BFSP1: variants seen among roughly 807,000 people sequenced by gnomAD.
BFSP1 encodes the protein filensin.
A neutral mutation model predicts 43.9 loss-of-function variants in BFSP1; 38 were observed. The observed-to-expected ratio is 0.87, with a 90% CI of 0.67 to 1.14. The LOEUF (loss-of-function observed/expected upper bound fraction) is 1.14. Among genes scored for constraint, BFSP1 ranks in the 50% most tolerant of loss-of-function variants. The pLI, the probability that BFSP1 is intolerant of heterozygous loss-of-function variation, is 0.00. For missense variants in BFSP1, 850 were observed against 875.1 expected (o/e 0.97, Z 0.36); for synonymous variants, 352 against 354.8 (o/e 0.99, Z 0.09).
chr20:17,496,120 A>C (rs6034836), intron 7 of BFSP1, among the ~76,000 whole-genome samples: 71,180 of 152,082 alleles, frequency 0.47, 16,961 homozygotes, highest in South Asian at 0.58. Context: ...TTAGCAGAGC[A>C]TTCAGCCAAG....
intron 1 of BFSP1, among the ~76,000 whole-genome samples, chr20:17,565,128 C>G (rs532558490): frequency 6.3e-4 from 96 of 152,210 alleles, no homozygotes; most frequent in Non-Finnish European, 1.1e-3. Context: ...CCACTCCCAC[C>G]CTATTTAACA....
chr20:17,500,200 T>C lies in BFSP1; in HGVS notation c.736-1160A>G, dbSNP rs548805593. Among the ~76,000 whole-genome samples, 10 of 152,316 alleles carry C rather than the reference T, an allele frequency of 6.6e-5. No individual in the cohort carries two copies. The East Asian group carries it at 1.9e-3, about 29-fold the overall frequency. ...GTATGTGTGTGCCCTTGTGTACACA[T>C]AAAATAATGTCAGAGAAATACAGTA... On this transcript the variant is annotated intron_variant, in intron 5 of 7. Transcript: ENST00000377873.
rs1161987607 is a variant in BFSP1, at chr20:17,553,842, TATATATAC to T, written c.2+4838_2+4845del. ...ACACACACATATATATATATACACATATATATACATATATATACACATATATATACATA... is the reference window on the plus strand; with the variant it reads ...ACACACACATATATATATATACACATATATATATACACATATATATACATA... On this transcript the variant is annotated intron_variant, in intron 1 of 7. Coordinates refer to the BFSP1 transcript ENST00000377868. Among the ~76,000 whole-genome samples, 10 of 106,604 alleles carry T rather than the reference TATATATAC, an allele frequency of 9.4e-5. 1 individual carries two copies. The highest frequency in any genetic ancestry group is 2.9e-4 in the African/African-American group (6 of 20,588). 69.9% of individuals were successfully genotyped at this position (106,604 alleles called of 152,430 possible).
intron 7 of BFSP1, among the ~76,000 whole-genome samples, chr20:17,496,552 G>T (rs978592690): frequency 3.3e-5 from 5 of 152,210 alleles, no homozygotes; most frequent in Non-Finnish European, 7.3e-5. Context: ...GGTGGGATGT[G>T]ATCCAGTGTT....
At chr20:17,539,749 G>A (rs2034686633) in intron 1 of BFSP1, among the ~76,000 whole-genome samples, 1 of 151,844 alleles carries the variant, frequency 6.6e-6, no homozygotes, top group South Asian at 2.1e-4. Flanking sequence ...ATGGGCCACA[G>A]AGCAAAACTC....
In BFSP1 at chr20:17,494,321, G is replaced by A. The variant is rs1184757086; in HGVS notation, c.1751C>T (p.Ser584Phe). The part of the protein sequence containing the change: ...AMVTPGAEEP[S>F]IPEPPKPAAD... ...CGCAGGCTTTGGAGGCTCAGGTATA[G>A]ATGGTTCCTCTGCACCGGGTGTGAC... is the stretch of plus-strand genomic sequence containing the variant. The change falls in exon 8 of 8, where the codon TCT becomes TTT. Residue 584 changes from serine (S) to phenylalanine (F), a missense_variant. Physicochemically the swap from Ser to Phe is radical, Grantham distance 155. Coordinates refer to ENST00000377873, the MANE Select transcript of BFSP1 (RefSeq NM_001195.5). The A allele has an allele frequency of 1.2e-6, 2 of 1,614,098 alleles. No individual in the cohort carries two copies. Among genetic ancestry groups the A allele is most frequent in the Non-Finnish European group, 1.7e-6 (2 of 1,180,050 alleles).
Position 17,551,038 on chromosome 20 carries a change from G to C in BFSP1, c.2+7650C>G, listed in dbSNP as rs77186167. Among the ~76,000 whole-genome samples the C allele has an allele frequency of 6.4e-3, 971 of 152,344 alleles. 9 individuals are homozygous for C. The highest frequency in any genetic ancestry group is 0.022 in the African/African-American group (917 of 41,578). The stretch of plus-strand genomic sequence containing the variant: ...TCCAGAGGTAGGCAGTTCAGGGCGA[G>C]TGTGGTGGAGCCTTCAGTCCCAGGT... On this transcript the variant is annotated intron_variant, in intron 1 of 7. Transcript: ENST00000377868.
At chr20:17,526,746 T>A (rs908277707) in intron 1 of BFSP1, among the ~76,000 whole-genome samples, 2 of 152,246 alleles carry the variant, frequency 1.3e-5, no homozygotes. Flanking sequence ...ACTGCCATAC[T>A]GTTTTCCACA....
rs144515006 is a variant in BFSP1 at position 17,553,794 on chromosome 20, TACACAC to T, written c.2+4888_2+4893del. Among the ~76,000 whole-genome samples, 753 of 104,942 alleles carry T rather than the reference TACACAC, an allele frequency of 7.2e-3. 33 individuals carry two copies. The highest frequency in any genetic ancestry group is 0.025 in the African/African-American group (592 of 23,780). 68.8% of individuals were successfully genotyped at this position (104,942 alleles called of 152,430 possible). Reference sequence around the variant, plus strand: ...ATATAAACATATATATATATATATATACACACACACACACACACACACACACACACA... The same window carrying T: ...ATATAAACATATATATATATATATATACACACACACACACACACACACACA... On this transcript the variant is annotated intron_variant, in intron 1 of 7. Coordinates refer to the BFSP1 transcript ENST00000377868.
At chr20:17,541,115 G>A (rs1026931639) in intron 1 of BFSP1, 45 of 288,352 alleles carry the variant, frequency 1.6e-4, no homozygotes, top group Non-Finnish European at 4.7e-5. Context: ...ACTGGAGACC[G>A]GGAGTTCAAG....
intron 6 of BFSP1, among the ~76,000 whole-genome samples, chr20:17,497,500 A>G (rs2033667816): frequency 7.0e-6 from 1 of 143,316 alleles, no homozygotes; most frequent in African/African-American, 2.6e-5. Context: ...ATATATATAC[A>G]CGTATATATA....
chr20:17,560,457 T>C (rs1410506198), upstream of BFSP1: 2 of 152,220 alleles, frequency 1.3e-5, no homozygotes, highest in East Asian at 3.8e-4. Flanking sequence ...CAAGGGAACT[T>C]GGGCCAAGTT....
chr20:17,525,197 C>T lies in BFSP1; in HGVS notation c.378-289G>A, dbSNP rs1244096707. On this transcript the variant is annotated intron_variant, in intron 1 of 7. Coordinates refer to ENST00000377873, the MANE Select transcript of BFSP1 (RefSeq NM_001195.5). This position sits in a 1 kb window ranked among gnomAD's most constrained non-coding sequence, Gnocchi z 4.2. Reference sequence around the variant, plus strand: ...GCCCCTACAGCCTTATTCCCAGCCACCCCAAGGATGAGGGAATTATATCCT... The same window carrying T: ...GCCCCTACAGCCTTATTCCCAGCCATCCCAAGGATGAGGGAATTATATCCT... Among the ~76,000 whole-genome samples, 2 of 152,100 alleles carry T rather than the reference C, an allele frequency of 1.3e-5. No homozygotes were observed. Among genetic ancestry groups the T allele is most frequent in the African/African-American group, 2.4e-5 (1 of 41,396 alleles).
intron 6 of BFSP1, 61 bp downstream of exon 6, chr20:17,498,759 G>A (rs1044133286): frequency 6.5e-7 from 1 of 1,550,172 alleles, no homozygotes; most frequent in African/African-American, 1.4e-5. Context: ...GCACACAATA[G>A]GCACTCAATA....
chr20:17,533,702 G>A (rs1452172617), upstream of BFSP1, among the ~76,000 whole-genome samples: 1 of 152,198 alleles, frequency 6.6e-6, no homozygotes, highest in Admixed American at 6.5e-5. Context: ...AAGGGTGTGG[G>A]TGGATAATCC....
chr20:17,559,181 C>T (rs910483721), upstream of BFSP1, among the ~76,000 whole-genome samples: 4 of 152,118 alleles, frequency 2.6e-5, no homozygotes, highest in Non-Finnish European at 5.9e-5. Flanking sequence ...TTGGGAGAAC[C>T]ACATTAAGTC....
chr20:17,551,445 TC>T (rs2034894482), intron 1 of BFSP1, among the ~76,000 whole-genome samples: 1 of 152,144 alleles, frequency 6.6e-6, no homozygotes, highest in Non-Finnish European at 1.5e-5. Context: ...TCCAATCACC[TC>T]CCACCAGGCC....
At position 17,508,995 on chromosome 20, in the gene BFSP1, T is replaced by C; in HGVS notation, c.629A>G (p.Glu210Gly). ...ASIVTSGMRE[E>G]KLLTEREVAA... ...CACCTCCCGCTCCGTCAGGAGCTTC[T>C]CCTGCACAGAGAAGGCCAGAGTCAG... Residue 210 changes from glutamate (E) to glycine (G), a missense_variant and splice_region_variant, in exon 5 of 8, where the codon GAG (glutamate) becomes GGG (glycine). By Grantham distance (98) the Glu-to-Gly change is moderately conservative (BLOSUM62 -2). Transcript: ENST00000377873. 1 of 1,573,406 alleles carries C rather than the reference T, an allele frequency of 6.4e-7. No homozygotes were observed.
intron 1 of BFSP1, among the ~76,000 whole-genome samples, chr20:17,546,264 C>A (rs1023405521): frequency 9.2e-5 from 14 of 152,132 alleles, no homozygotes; most frequent in African/African-American, 3.4e-4. Flanking sequence ...CGTGAGACTG[C>A]AAGAAGAACT....
Sources: allele counts gnomAD v4.1 joint callset (sites outside exome capture counted in the v4.1 genomes callset), GRCh38; gene constraint gnomAD v4.1.1; non-coding constraint Gnocchi (gnomAD v3.1); transcripts MANE v1.5; gene names NCBI Gene and HGNC (gene_info 2026-07-23, HGNC 2026-07-21).